Variants in WASF3 observed in about 807,000 individuals in gnomAD.
The protein encoded by WASF3 is actin-binding protein WASF3.
A neutral mutation model predicts 46.6 loss-of-function variants in WASF3; 11 were observed. The ratio of observed to expected loss-of-function variants is 0.24; its 90% CI spans 0.15 to 0.39. The LOEUF is 0.39. Among genes scored for constraint, WASF3 ranks in the 10% least tolerant of loss-of-function variants. The probability of loss-of-function intolerance (pLI) is 1.00; values close to 1 mark genes in which losing one functional copy is unlikely to be tolerated. For synonymous variants in WASF3, 242 were observed against 259.7 expected (o/e 0.93, Z 0.65); for missense variants, 576 against 669.8 (o/e 0.86, Z 1.55).
intron 6 of WASF3, among the ~76,000 whole-genome samples, chr13:26,674,933 C>T (rs563331919): frequency 6.6e-5 from 10 of 152,322 alleles, no homozygotes; most frequent in African/African-American, 2.4e-4. Flanking sequence ...GAATGTGTTA[C>T]ATCGTCTCAT....
At position 26,676,731 on chromosome 13, in the gene WASF3, G is replaced by A; in HGVS notation, c.716+7G>A. 6.2e-7 allele frequency: 1 copy of A among 1,610,564 alleles called. No homozygotes were observed. Among genetic ancestry groups the A allele is most frequent in the Non-Finnish European group, 8.5e-7 (1 of 1,178,188 alleles). ...CCCTGTCCCCAGATACTAGGTGTGT[G>A]TGTGTCACTGCTCCCTCAGCCCTGA... On this transcript the variant is annotated splice_region_variant and intron_variant, in intron 7 of 9. Transcript: ENST00000335327.
At chr13:26,558,389 G>A (rs1488549428) in intron 1 of WASF3, among the ~76,000 whole-genome samples, 3 of 149,144 alleles carry the variant, frequency 2.0e-5, no homozygotes, top group Admixed American at 2.0e-4. Flanking sequence ...CTGCGGTGCC[G>A]CGTGGCTCCC....
At chr13:26,614,761 G>A (rs1230626539) in intron 2 of WASF3, among the ~76,000 whole-genome samples, 1 of 152,126 alleles carries the variant, frequency 6.6e-6, no homozygotes, top group Admixed American at 6.5e-5. Context: ...GCTTTCAGGT[G>A]TGTCATCTCA....
chr13:26,627,045 G>A (rs1293576376), intron 2 of WASF3, among the ~76,000 whole-genome samples: 4 of 152,102 alleles, frequency 2.6e-5, no homozygotes, highest in Non-Finnish European at 5.9e-5. Flanking sequence ...ACATTGATAT[G>A]ATTTTGAAAT....
upstream of WASF3, among the ~76,000 whole-genome samples, chr13:26,554,461 G>T (rs2137127387): frequency 2.0e-5 from 3 of 152,106 alleles, no homozygotes; most frequent in South Asian, 6.2e-4. Context: ...CAATGATAAA[G>T]AACTTTTAAA....
At chr13:26,576,312 C>G (rs964457840) in intron 1 of WASF3, among the ~76,000 whole-genome samples, 1 of 152,044 alleles carries the variant, frequency 6.6e-6, no homozygotes, top group Non-Finnish European at 1.5e-5. Context: ...GTTCAAGCCA[C>G]TCCTGTTTCA....
At chr13:26,624,959 T>G (rs1306406965) in intron 2 of WASF3, among the ~76,000 whole-genome samples, 2 of 151,986 alleles carry the variant, frequency 1.3e-5, no homozygotes, top group Non-Finnish European at 2.9e-5. Flanking sequence ...CTGAGGGAAT[T>G]TATTGCCACA....
chr13:26,636,050 TAGAC>T (rs1881807716), intron 2 of WASF3, among the ~76,000 whole-genome samples: 1 of 152,244 alleles, frequency 6.6e-6, no homozygotes, highest in South Asian at 2.1e-4. Flanking sequence ...TCAGAGCTGT[TAGAC>T]AGGGACTTTT....
intron 3 of WASF3, among the ~76,000 whole-genome samples, chr13:26,661,747 C>T (rs1396230272): frequency 6.6e-6 from 1 of 152,342 alleles, no homozygotes; most frequent in East Asian, 1.9e-4. Flanking sequence ...TCCAATTTCT[C>T]CACATTCTTA....
At chr13:26,651,636 G>A (rs764915961) in intron 3 of WASF3, among the ~76,000 whole-genome samples, 24 of 152,192 alleles carry the variant, frequency 1.6e-4, no homozygotes, top group Non-Finnish European at 3.5e-4. Flanking sequence ...TAACGCTTCA[G>A]GGAAATGATA....
intron 6 of WASF3, among the ~76,000 whole-genome samples, chr13:26,673,124 T>G (rs1296951208): frequency 6.6e-6 from 1 of 152,226 alleles, no homozygotes; most frequent in African/African-American, 2.4e-5. Flanking sequence ...TGCTTTTTTA[T>G]AGTTACAGGG....
chr13:26,636,233 C>A (rs927666325), intron 2 of WASF3, among the ~76,000 whole-genome samples: 1 of 152,252 alleles, frequency 6.6e-6, no homozygotes, highest in African/African-American at 2.4e-5. Flanking sequence ...TGCCCCTCCC[C>A]CTGTCAGGCT....
chr13:26,626,646 T>C (rs1881472125), intron 2 of WASF3, among the ~76,000 whole-genome samples: 1 of 152,178 alleles, frequency 6.6e-6, no homozygotes, highest in African/African-American at 2.4e-5. Flanking sequence ...ATAAATTCTC[T>C]TTAAATACAT....
chr13:26,675,342 G>A (rs745555039), intron 6 of WASF3, among the ~76,000 whole-genome samples: 13 of 151,740 alleles, frequency 8.6e-5, no homozygotes, highest in Non-Finnish European at 1.9e-4. Context: ...CTCCTCCCCA[G>A]AGCTCTCACA....
At chr13:26,608,713 G>A (rs34781629) in intron 1 of WASF3, among the ~76,000 whole-genome samples, 36,243 of 152,056 alleles carry the variant, frequency 0.24, 4,945 homozygotes, top group Non-Finnish European at 0.32. Flanking sequence ...AGCTCAGGTA[G>A]TCAACCTGAG....
intron 2 of WASF3, among the ~76,000 whole-genome samples, chr13:26,620,907 T>C (rs886685444): frequency 6.6e-6 from 1 of 152,222 alleles, no homozygotes; most frequent in Non-Finnish European, 1.5e-5. Context: ...CATTATTCCA[T>C]AGACACAAAG....
At chr13:26,604,706 T>C (rs7331324) in intron 1 of WASF3, among the ~76,000 whole-genome samples, 3,119 of 152,270 alleles carry the variant, frequency 0.02, 109 homozygotes, top group African/African-American at 0.071. Flanking sequence ...ATTCTAGTTA[T>C]AGGGTTCAGT....
At chr13:26,665,198 A>G (rs938015565) in intron 4 of WASF3, 36 bp downstream of exon 4, 1 of 1,606,604 alleles carries the variant, frequency 6.2e-7, no homozygotes, top group South Asian at 1.1e-5. Context: ...GCTAGAAGTG[A>G]TGTTGACAAG....
At chr13:26,544,641 T>C in the WASF3 span, among the ~76,000 whole-genome samples, 1 of 152,242 alleles carries the variant, frequency 6.6e-6, no homozygotes, top group East Asian at 1.9e-4. Context: ...TTTTTCACCA[T>C]CTATAGAAGA....
Sources: gnomAD v4.1 joint callset for allele counts (sites outside exome capture counted in the v4.1 genomes callset) on GRCh38, gnomAD v4.1.1 for gene constraint, MANE v1.5 for transcripts, NCBI Gene and HGNC (gene_info 2026-07-23, HGNC 2026-07-21) for gene names.